RTF2: variants seen among roughly 807,000 people sequenced by gnomAD.
RTF2 encodes the protein UPF0549 protein C20orf43.
In RTF2, 18 loss-of-function variants were observed where a neutral mutation model predicts 38.0. The ratio of observed to expected loss-of-function variants is 0.47; its 90% CI spans 0.33 to 0.70. The LOEUF (loss-of-function observed/expected upper bound fraction) is 0.70, where lower values mean the gene tolerates loss of function less well. RTF2 is among the 30% of genes least tolerant of loss of function. The probability of loss-of-function intolerance (pLI) is 0.02; values close to 1 mark genes in which losing one functional copy is unlikely to be tolerated. For synonymous variants in RTF2, 126 were observed against 137.1 expected (o/e 0.92, Z 0.57); for missense variants, 311 against 379.6 (o/e 0.82, Z 1.50).
In RTF2 at chr20:56,468,628, C is replaced by A. The variant is rs1215106467; in HGVS notation, c.-70C>A. On this transcript the variant is annotated 5_prime_UTR_variant, in exon 1 of 9. Transcript: ENST00000357348. ...CACGGCGGTGCGCCGGAAGTGGCTG[C>A]GGATTTCGCCGGAAATCCCGGAAGT... 9 of 1,416,632 alleles carry A rather than the reference C, an allele frequency of 6.4e-6. No homozygotes were observed. Among genetic ancestry groups the A allele is most frequent in the South Asian group, 6.2e-5 (5 of 81,002 alleles). The allele number at this position is 1,416,632 out of a possible 1,614,324, so 87.8% of individuals were successfully genotyped here.
chr20:56,471,874 C>T (rs1308350203), intron 1 of RTF2, among the ~76,000 whole-genome samples: 1 of 152,170 alleles, frequency 6.6e-6, no homozygotes, highest in South Asian at 2.1e-4. Flanking sequence ...GTTATGGAAA[C>T]TGCTTAGCAC....
intron 4 of RTF2, among the ~76,000 whole-genome samples, chr20:56,481,283 C>T (rs975050398): frequency 4.6e-5 from 7 of 152,146 alleles, no homozygotes; most frequent in Non-Finnish European, 7.4e-5. Flanking sequence ...GGCACATTGG[C>T]GTCTGTTTAT....
chr20:56,511,881 G>A (rs1984693970), intron 5 of RTF2, among the ~76,000 whole-genome samples: 1 of 152,016 alleles, frequency 6.6e-6, no homozygotes, highest in Non-Finnish European at 1.5e-5. Context: ...CGCCCAGGCT[G>A]GAGTGCAGTG....
In RTF2 at chr20:56,474,735, T is replaced by C. The variant is rs1168730332; in HGVS notation, c.222T>C (p.Ala74=). The change falls in exon 3 of 9, where the codon GCT becomes GCC. Residue 74 remains alanine, a synonymous_variant. Coordinates refer to ENST00000357348, the MANE Select transcript of RTF2 (RefSeq NM_016407.5). ...TCTTGGACAAATCTGCAGAAAAGGC[T>C]CTTGGGAAGGCAGCATCTCACATTA... ...EFLLDKSAEK[A]LGKAASHIKS... is the part of the protein sequence containing the mutation. The C allele has an allele frequency of 1.2e-6, 2 of 1,612,046 alleles. No individual in the cohort carries two copies. The highest frequency in any genetic ancestry group is 1.3e-5 in the African/African-American group (1 of 74,838).
rs1985241915 is a variant in RTF2 at position 56,519,094 on chromosome 20, C to G, written c.*829C>G. ...TTGACGTCAATAGCTAGTGAAACTT[C>G]TCATGAGACTCCTAATGAAGAACCA... On this transcript the variant is annotated 3_prime_UTR_variant, in exon 9 of 9. Transcript: ENST00000357348. 1 of 152,246 alleles carries G rather than the reference C, an allele frequency of 6.6e-6. No individual in the cohort carries two copies. The highest frequency in any genetic ancestry group is 1.5e-5 in the Non-Finnish European group (1 of 68,066). The allele number at this position is 152,246 out of a possible 1,614,324, so 9.4% of individuals were successfully genotyped here.
intron 5 of RTF2, among the ~76,000 whole-genome samples, chr20:56,502,291 G>A (rs1983972972): frequency 6.6e-6 from 1 of 152,164 alleles, no homozygotes; most frequent in South Asian, 2.1e-4. Flanking sequence ...TTTTGTCCAG[G>A]GTTAAAGTAC....
At chr20:56,479,989 A>G (rs934799403) in intron 4 of RTF2, among the ~76,000 whole-genome samples, 2 of 152,104 alleles carry the variant, frequency 1.3e-5, no homozygotes, top group Non-Finnish European at 2.9e-5. Flanking sequence ...CAAACGGTAA[A>G]TGAACATTGG....
At position 56,513,385 on chromosome 20, in the gene RTF2, A is replaced by G; in HGVS notation, c.548A>G (p.Lys183Arg). 2 of 1,608,486 alleles carry G rather than the reference A, an allele frequency of 1.2e-6. No homozygotes were observed. Among genetic ancestry groups the G allele is most frequent in the Non-Finnish European group, 1.7e-6 (2 of 1,177,798 alleles). Residue 183 changes from lysine (K) to arginine (R), a missense_variant, in exon 6 of 9, where the codon AAG (lysine) becomes AGG (arginine). Lys to Arg is a conservative substitution (Grantham distance 26). Coordinates refer to ENST00000357348, the MANE Select transcript of RTF2 (RefSeq NM_016407.5). ...ACCAAGGAGGATGTGGACGTGCTGA[A>G]GACAAGGATGGAGGAGAGAAGGCTG... ...NGTKEDVDVLKTRMEERRLRA... is the reference protein window; with the variant it reads ...NGTKEDVDVLRTRMEERRLRA...
intron 4 of RTF2, among the ~76,000 whole-genome samples, chr20:56,481,517 A>G (rs1600800094): frequency 5.9e-5 from 9 of 152,208 alleles, no homozygotes; most frequent in Admixed American, 5.2e-4. Context: ...TTAAACCACC[A>G]TTGGGGTCAA....
At chr20:56,515,593 GAGAGAGACACAC>G (rs1421674227) in intron 6 of RTF2, 444 of 114,034 alleles carry the variant, frequency 3.9e-3, no homozygotes, top group Non-Finnish European at 4.6e-3. Context: ...GAGAGAGAGA[GAGAGAGACACAC>G]ACACACACAC....
chr20:56,495,772 G>T (rs566470052), intron 5 of RTF2, among the ~76,000 whole-genome samples: 1 of 152,278 alleles, frequency 6.6e-6, no homozygotes, highest in Admixed American at 6.5e-5. Flanking sequence ...AGGCTGATTA[G>T]CTTAGTTGTT....
At chr20:56,498,885 C>T (rs1036689966) in intron 5 of RTF2, among the ~76,000 whole-genome samples, 2 of 152,180 alleles carry the variant, frequency 1.3e-5, no homozygotes, top group African/African-American at 4.8e-5. Flanking sequence ...GGTCCCTTGC[C>T]TTTCCACATC....
At chr20:56,490,041 G>T (rs1306927691) in intron 5 of RTF2, among the ~76,000 whole-genome samples, 1 of 152,222 alleles carries the variant, frequency 6.6e-6, no homozygotes, top group Non-Finnish European at 1.5e-5. Context: ...CCAAGGGGAA[G>T]AAAGATTTGT....
intron 5 of RTF2, chr20:56,491,875 G>C (rs750301641): frequency 4.6e-6 from 4 of 877,222 alleles, no homozygotes; most frequent in Non-Finnish European, 7.3e-6. Flanking sequence ...TCCGGTGTCA[G>C]TGGTGAGCCT....
chr20:56,512,713 G>A (rs1200124396), intron 5 of RTF2, among the ~76,000 whole-genome samples: 3 of 152,180 alleles, frequency 2.0e-5, no homozygotes, highest in Non-Finnish European at 4.4e-5. Flanking sequence ...CTGCAGCAGC[G>A]TGGTATGGAT....
At chr20:56,516,690 T>C in intron 6 of RTF2, 1 of 544,370 alleles carries the variant, frequency 1.8e-6, no homozygotes. Context: ...GATGTAAATA[T>C]AAAAGTGAGC....
At chr20:56,497,841 T>A (rs988578050) in intron 5 of RTF2, among the ~76,000 whole-genome samples, 1 of 152,210 alleles carries the variant, frequency 6.6e-6, no homozygotes, top group Non-Finnish European at 1.5e-5. Flanking sequence ...TTTCTTTCCA[T>A]CCACATCTCT....
At chr20:56,492,019 C>T (rs1025409016) in intron 5 of RTF2, among the ~76,000 whole-genome samples, 2 of 152,074 alleles carry the variant, frequency 1.3e-5, no homozygotes, top group African/African-American at 4.8e-5. Context: ...TTGTTAGTTA[C>T]TGCTTTAGGT....
chr20:56,506,018 G>A (rs1306493222), intron 5 of RTF2, among the ~76,000 whole-genome samples: 2 of 152,274 alleles, frequency 1.3e-5, no homozygotes, highest in African/African-American at 2.4e-5. Flanking sequence ...AACATACGAC[G>A]TGATGGGCAC....
Sources: gnomAD v4.1 joint callset for allele counts (sites outside exome capture counted in the v4.1 genomes callset) on GRCh38, gnomAD v4.1.1 for gene constraint, MANE v1.5 for transcripts, NCBI Gene and HGNC (gene_info 2026-07-23, HGNC 2026-07-21) for gene names.